Variants in SH3RF3 observed in about 807,000 individuals in gnomAD.
The protein encoded by SH3RF3 is E3 ubiquitin-protein ligase SH3RF3.
A neutral mutation model predicts 66.3 loss-of-function variants in SH3RF3; 29 were observed. The observed-to-expected ratio is 0.44, with a 90% CI of 0.33 to 0.60. SH3RF3 has a LOEUF of 0.60. Among genes scored for constraint, SH3RF3 ranks in the 20% least tolerant of loss-of-function variants. The pLI is 0.04. For missense variants in SH3RF3, 1,194 were observed against 1,190.9 expected (o/e 1.00, Z -0.04); for synonymous variants, 583 against 532.0 (o/e 1.10, Z -1.32).
intron 7 of SH3RF3, among the ~76,000 whole-genome samples, chr2:109,446,607 C>T (rs190693510): frequency 1.4e-3 from 208 of 152,226 alleles, no homozygotes; most frequent in African/African-American, 4.9e-3. Flanking sequence ...GAGGGTCCCA[C>T]CTTGCAGCTA....
intron 3 of SH3RF3, among the ~76,000 whole-genome samples, chr2:109,379,769 T>G (rs1189006278): frequency 6.6e-6 from 1 of 152,032 alleles, no homozygotes; most frequent in Non-Finnish European, 1.5e-5. Context: ...TGTAAAGCCC[T>G]CCTGCAGGTG....
intron 1 of SH3RF3, among the ~76,000 whole-genome samples, chr2:109,271,034 T>C (rs1680612477): frequency 6.6e-6 from 1 of 152,226 alleles, no homozygotes; most frequent in South Asian, 2.1e-4. Context: ...ATGTGCCTGG[T>C]GATGTCCTGA....
rs963394214 is a variant in SH3RF3 at position 109,238,065 on chromosome 2, G to A, written c.573+107952G>A. ...TACAAAATATTAAAAAATTAGCCAA[G>A]CATGGTGGCATCTGCCTGTAATCCC... On this transcript the variant is annotated intron_variant, in intron 1 of 9. Coordinates refer to ENST00000309415, the MANE Select transcript of SH3RF3 (RefSeq NM_001099289.3). Among the ~76,000 whole-genome samples the A allele has an allele frequency of 5.3e-5, 8 of 152,158 alleles. 1 individual carries two copies. Among genetic ancestry groups the A allele is most frequent in the African/African-American group, 1.9e-4 (8 of 41,424 alleles).
At position 109,282,495 on chromosome 2, in the gene SH3RF3, C is replaced by T. The variant is rs540478516; in HGVS notation, c.574-65179C>T. On this transcript the variant is annotated intron_variant, in intron 1 of 9. Transcript: ENST00000309415. ...CAGGAAGGCCCGAGGGTCACCAAGA[C>T]GCCGGCCTGCCCTGCGGTGGGAGGA... Among the ~76,000 whole-genome samples, 549 of 152,300 alleles carry T rather than the reference C, an allele frequency of 3.6e-3. 1 individual carries two copies. Among genetic ancestry groups the T allele is most frequent in the African/African-American group, 0.012 (505 of 41,588 alleles).
At chr2:109,134,621 G>A (rs770753547) in intron 1 of SH3RF3, among the ~76,000 whole-genome samples, 12 of 152,278 alleles carry the variant, frequency 7.9e-5, no homozygotes, top group South Asian at 2.1e-4. Flanking sequence ...ACACAGGTAC[G>A]GAAATTAAGG....
In SH3RF3 at chr2:109,407,829, C is replaced by A. The variant is rs572451594; in HGVS notation, c.1299+8886C>A. 2.0e-5 allele frequency among the ~76,000 whole-genome samples: 3 copies of A among 152,328 alleles called. No individual in the cohort carries two copies. In the South Asian group the frequency reaches 6.2e-4, roughly 32 times the overall value. ...GAAATAGCTGTACCTCCATGACTTA[C>A]CAATCCTGGCCTTTAAGTGGGGACA... On this transcript the variant is annotated intron_variant, in intron 4 of 9. Coordinates refer to ENST00000309415, the MANE Select transcript of SH3RF3 (RefSeq NM_001099289.3).
At chr2:109,495,648 T>C (rs1176621402) in intron 9 of SH3RF3, among the ~76,000 whole-genome samples, 1 of 152,012 alleles carries the variant, frequency 6.6e-6, no homozygotes, top group Non-Finnish European at 1.5e-5. Flanking sequence ...TCCACTGACA[T>C]GCCTGGCTGA....
At chr2:109,408,595 C>T (rs930531038) in intron 4 of SH3RF3, among the ~76,000 whole-genome samples, 1 of 152,236 alleles carries the variant, frequency 6.6e-6, no homozygotes, top group African/African-American at 2.4e-5. Flanking sequence ...CCGTGAGCTT[C>T]GCTGCGGCAA....
chr2:109,430,071 T>C (rs1034290979), intron 5 of SH3RF3, among the ~76,000 whole-genome samples: 2 of 152,182 alleles, frequency 1.3e-5, no homozygotes, highest in African/African-American at 4.8e-5. Flanking sequence ...GGTCAGCAGC[T>C]AGGGCGTGTT....
In SH3RF3 at chr2:109,347,914, A is replaced by G. The variant is rs777799379; in HGVS notation, c.814A>G (p.Lys272Glu). 2.0e-5 allele frequency: 32 copies of G among 1,609,554 alleles called. No homozygotes were observed. The highest frequency in any genetic ancestry group is 2.5e-5 in the Non-Finnish European group (29 of 1,178,096). Residue 272 changes from lysine to glutamate, a missense_variant, in exon 2 of 10, where the codon AAA becomes GAA. Physicochemically the swap from Lys to Glu is moderately conservative, Grantham distance 56. Transcript: ENST00000309415. ...ACTTTATGATTTCGAGATGAAGGAC[A>G]AAGACCAAGACAAGGACTGTCTGAC... is the stretch of plus-strand genomic sequence containing the variant. ...KALYDFEMKD[K>E]DQDKDCLTFT...
At chr2:109,241,341 A>G (rs566396638) in intron 1 of SH3RF3, among the ~76,000 whole-genome samples, 8 of 152,368 alleles carry the variant, frequency 5.3e-5, no homozygotes, top group African/African-American at 1.7e-4. Context: ...TTGAAGTGGA[A>G]AAAAAGTATA....
chr2:109,206,490 C>CAAA (rs36060217), intron 1 of SH3RF3, among the ~76,000 whole-genome samples: 103 of 40,556 alleles, frequency 2.5e-3, no homozygotes, highest in Admixed American at 5.2e-3. Flanking sequence ...GACTCCGTCT[C>CAAA]AAAAAAAAAA....
chr2:109,270,644 G>A lies in SH3RF3; in HGVS notation c.574-77030G>A, dbSNP rs563230949. Among the ~76,000 whole-genome samples, 4 of 152,316 alleles carry A rather than the reference G, an allele frequency of 2.6e-5. No homozygotes were observed. In the South Asian group the frequency reaches 8.3e-4, roughly 32 times the overall value. On this transcript the variant is annotated intron_variant, in intron 1 of 9. Coordinates refer to ENST00000309415, the MANE Select transcript of SH3RF3 (RefSeq NM_001099289.3). Reference sequence around the variant, plus strand: ...ATGACCCAGAGATACTGGGTGCTAAGCAGAGGTATGACATAGGTGTCTTGG... The same window carrying A: ...ATGACCCAGAGATACTGGGTGCTAAACAGAGGTATGACATAGGTGTCTTGG...
chr2:109,320,660 A>G (rs897671328), intron 1 of SH3RF3, among the ~76,000 whole-genome samples: 4 of 152,346 alleles, frequency 2.6e-5, no homozygotes, highest in Admixed American at 6.5e-5. Context: ...CAATATGCAC[A>G]ACTGTTGTTC....
At chr2:109,372,532 C>G (rs1404591640) in intron 3 of SH3RF3, among the ~76,000 whole-genome samples, 2 of 152,234 alleles carry the variant, frequency 1.3e-5, no homozygotes, top group Non-Finnish European at 2.9e-5. Flanking sequence ...CTCATTTAAT[C>G]TTCTCAGCAA....
At chr2:109,133,599 C>T (rs1040517776) in intron 1 of SH3RF3, among the ~76,000 whole-genome samples, 3 of 152,082 alleles carry the variant, frequency 2.0e-5, no homozygotes, top group East Asian at 1.9e-4. Flanking sequence ...CTGAATAGAG[C>T]GTCATTTAGA....
rs1425455875 is a variant in SH3RF3 at position 109,130,039 on chromosome 2, C to T, written c.499C>T (p.Leu167Phe). ...AGSTPGSPVFLSAAAGSTAGS... is the reference protein window; with the variant it reads ...AGSTPGSPVFFSAAAGSTAGS... ...CAGCACCCCGGGTTCCCCGGTTTTCCTCTCCGCGGCCGCGGGCAGCACCGC... is the reference window on the plus strand; with the variant it reads ...CAGCACCCCGGGTTCCCCGGTTTTCTTCTCCGCGGCCGCGGGCAGCACCGC... The change falls in exon 1 of 10, where the codon CTC (leucine) becomes TTC (phenylalanine). Residue 167 changes from leucine to phenylalanine, a missense_variant. Transcript: ENST00000309415. The T allele has an allele frequency of 4.4e-6, 6 of 1,355,258 alleles. No homozygotes were observed. The highest frequency in any genetic ancestry group is 2.8e-4 in the Middle Eastern group (1 of 3,630). The allele number at this position is 1,355,258 out of a possible 1,614,324, so 84.0% of individuals were successfully genotyped here.
intron 1 of SH3RF3, among the ~76,000 whole-genome samples, chr2:109,132,472 A>G (rs1480741993): frequency 4.6e-5 from 7 of 152,208 alleles, no homozygotes. Context: ...CGTGGTTAGC[A>G]GAACCTCTCA....
At chr2:109,431,320 C>A (rs976144106) in intron 5 of SH3RF3, among the ~76,000 whole-genome samples, 4 of 152,224 alleles carry the variant, frequency 2.6e-5, no homozygotes, top group African/African-American at 4.8e-5. Flanking sequence ...TCTTAGTGAA[C>A]TGAGGCCTCC....
Sources: gnomAD v4.1 joint callset for allele counts (sites outside exome capture counted in the v4.1 genomes callset) on GRCh38, gnomAD v4.1.1 for gene constraint, MANE v1.5 for transcripts, NCBI Gene and HGNC (gene_info 2026-07-23, HGNC 2026-07-21) for gene names.